The following AMOTL1 variants were observed in gnomAD, a reference collection of about 807,000 sequenced individuals.
AMOTL1 encodes angiomotin like 1, also known as angiomotin-like protein 1.
A neutral mutation model predicts 102.9 loss-of-function variants in AMOTL1; 45 were observed. The observed-to-expected ratio is 0.44, with a 90% CI of 0.34 to 0.56. The LOEUF is 0.56. AMOTL1 is among the 20% of genes least tolerant of loss of function. AMOTL1 has a pLI of 0.01. For missense variants in AMOTL1, 1,114 were observed against 1,225.6 expected (o/e 0.91, Z 1.36); for synonymous variants, 481 against 484.7 (o/e 0.99, Z 0.10).
intron 3 of AMOTL1, among the ~76,000 whole-genome samples, chr11:94,809,705 A>G (rs959637835): frequency 2.6e-5 from 4 of 152,364 alleles, no homozygotes; most frequent in Admixed American, 2.0e-4. Flanking sequence ...ATATTAAGCC[A>G]CTTTACCAAT....
At chr11:94,796,688 TTAATGAAA>T (rs1951372779) in intron 2 of AMOTL1, among the ~76,000 whole-genome samples, 1 of 152,200 alleles carries the variant, frequency 6.6e-6, no homozygotes, top group Non-Finnish European at 1.5e-5. Flanking sequence ...GTGAAATTTC[TTAATGAAA>T]ATTAGGGGGC....
intron 1 of AMOTL1, among the ~76,000 whole-genome samples, chr11:94,709,310 G>A (rs1056736897): frequency 6.6e-6 from 1 of 152,084 alleles, no homozygotes; most frequent in African/African-American, 2.4e-5. Flanking sequence ...CAGTTACTTT[G>A]GCAGAAGCCA....
rs143480463 is a variant in AMOTL1 at position 94,821,436 on chromosome 11, A to G, written c.1122-94A>G. 5.7e-3 allele frequency: 7,617 copies of G among 1,338,238 alleles called. 101 individuals carry two copies. The highest frequency in any genetic ancestry group is 0.038 in the South Asian group (2,665 of 70,478). The allele number at this position is 1,338,238 out of a possible 1,614,324, so 82.9% of individuals were successfully genotyped here. A position where few individuals can be genotyped will look rare whatever the true frequency, so the allele number is the denominator to read the frequency against. ...GGAAGTGCACTGATGGCCTCTGACC[A>G]TGGAAGCCATCAACAGTGCCAGTAT... On this transcript the variant is annotated intron_variant, in intron 3 of 12. Coordinates refer to ENST00000433060, the MANE Select transcript of AMOTL1 (RefSeq NM_130847.3).
At position 94,870,610 on chromosome 11, in the gene AMOTL1, T is replaced by C. The variant is rs79339543; in HGVS notation, c.2765-79T>C. On this transcript the variant is annotated intron_variant, in intron 12 of 12. Transcript: ENST00000433060. ...CCTGGGTGTGCAGTGGTATCGGACGTGGGTCCATTTTAGAGAACCTGGAAA... is the reference window on the plus strand; with the variant it reads ...CCTGGGTGTGCAGTGGTATCGGACGCGGGTCCATTTTAGAGAACCTGGAAA... 666 of 1,087,846 alleles carry C rather than the reference T, an allele frequency of 6.1e-4. 3 individuals are homozygous for C. In the African/African-American group the frequency reaches 9.6e-3, roughly 16 times the overall value. The allele number at this position is 1,087,846 out of a possible 1,614,324, so 67.4% of individuals were successfully genotyped here.
intron 4 of AMOTL1, among the ~76,000 whole-genome samples, chr11:94,823,561 A>G (rs994522518): frequency 1.3e-5 from 2 of 152,110 alleles, no homozygotes; most frequent in African/African-American, 4.8e-5. Context: ...TTCTCTCCTA[A>G]TGAAGCTTCA....
intron 1 of AMOTL1, among the ~76,000 whole-genome samples, chr11:94,788,363 A>T (rs569963802): frequency 1.2e-4 from 19 of 152,192 alleles, no homozygotes; most frequent in African/African-American, 4.6e-4. Context: ...GCTACGCTGA[A>T]CTCTCTATTC....
chr11:94,736,094 C>A (rs1384899697), intron 2 of AMOTL1, among the ~76,000 whole-genome samples: 2 of 152,154 alleles, frequency 1.3e-5, no homozygotes, highest in African/African-American at 4.8e-5. Context: ...ATACGTCCCA[C>A]CTCTAATAAA....
chr11:94,725,929 C>T (rs1024602265), intron 1 of AMOTL1, among the ~76,000 whole-genome samples: 1 of 152,050 alleles, frequency 6.6e-6, no homozygotes, highest in Non-Finnish European at 1.5e-5. Flanking sequence ...TACTACTACA[C>T]CTAAATTGTG....
intron 6 of AMOTL1, among the ~76,000 whole-genome samples, chr11:94,836,237 T>G (rs924038170): frequency 6.6e-6 from 1 of 152,330 alleles, no homozygotes; most frequent in Middle Eastern, 3.4e-3. Context: ...TCAGATGCTA[T>G]GGGTTTCTAT....
At chr11:94,731,171 T>A (rs1267278561) in intron 2 of AMOTL1, among the ~76,000 whole-genome samples, 1 of 152,206 alleles carries the variant, frequency 6.6e-6, no homozygotes, top group Non-Finnish European at 1.5e-5. Flanking sequence ...GTGACGAGCT[T>A]CTGGGGCTGA....
chr11:94,710,543 C>T (rs769281621), intron 1 of AMOTL1, among the ~76,000 whole-genome samples: 1 of 152,108 alleles, frequency 6.6e-6, no homozygotes, highest in Non-Finnish European at 1.5e-5. Flanking sequence ...ATCTGTGTTA[C>T]GTAAATGAAT....
chr11:94,707,250 C>CTGTGTG lies in AMOTL1; in HGVS notation c.-51+682_-51+687dup, dbSNP rs71459746. 0.015 allele frequency among the ~76,000 whole-genome samples: 1,050 copies of CTGTGTG among 71,712 alleles called. 67 individuals carry two copies. The East Asian group carries it at 0.19, about 13-fold the overall frequency. 47.0% of individuals were successfully genotyped at this position (71,712 alleles called of 152,430 possible). A position where few individuals can be genotyped will look rare whatever the true frequency, so the allele number is the denominator to read the frequency against. ...TCTCTCTCTCTCTCTCTCTCTCTCT[C>CTGTGTG]TGTGTGTGTGTGTGTGTGTGTGTGT... On this transcript the variant is annotated intron_variant, in intron 1 of 4. Transcript: ENST00000299004.
chr11:94,870,945 G>A lies in AMOTL1; in HGVS notation c.*150G>A, dbSNP rs548505386. On this transcript the variant is annotated 3_prime_UTR_variant, in exon 13 of 13. Transcript: ENST00000433060. ...ACTCATAAGAACACATTTTATAAAT[G>A]TTAAACACAAAAACTACATGACTGA... The A allele has an allele frequency of 2.4e-5, 14 of 578,348 alleles. No homozygotes were observed. Among genetic ancestry groups the A allele is most frequent in the African/African-American group, 2.2e-4 (12 of 54,264 alleles). The allele number at this position is 578,348 out of a possible 1,614,324, so 35.8% of individuals were successfully genotyped here.
At chr11:94,753,305 G>GT (rs1565339509) in intron 3 of AMOTL1, among the ~76,000 whole-genome samples, 1 of 137,466 alleles carries the variant, frequency 7.3e-6, no homozygotes, top group African/African-American at 2.7e-5. Flanking sequence ...CTGCTTTCCT[G>GT]CTTTTTTTTT....
intron 4 of AMOTL1, among the ~76,000 whole-genome samples, chr11:94,828,073 G>A (rs182491563): frequency 3.3e-5 from 5 of 152,214 alleles, no homozygotes; most frequent in East Asian, 3.9e-4. Context: ...GGAAATCTTC[G>A]CCAATATGTG....
chr11:94,763,634 T>C (rs1427038724), upstream of AMOTL1, among the ~76,000 whole-genome samples: 1 of 152,236 alleles, frequency 6.6e-6, no homozygotes, highest in East Asian at 1.9e-4. Context: ...TTTCATATGT[T>C]ATATGTATTA....
intron 1 of AMOTL1, among the ~76,000 whole-genome samples, chr11:94,769,774 T>C (rs992195878): frequency 3.9e-5 from 6 of 152,096 alleles, no homozygotes; most frequent in Admixed American, 3.9e-4. Context: ...CTCAGCTCCC[T>C]TTCTCTGTGA....
intron 9 of AMOTL1, among the ~76,000 whole-genome samples, chr11:94,860,789 A>T (rs1952758798): frequency 6.6e-6 from 1 of 152,240 alleles, no homozygotes; most frequent in South Asian, 2.1e-4. Flanking sequence ...TATTTGGATG[A>T]CAGGACATGA....
chr11:94,764,969 G>T (rs145470252), upstream of AMOTL1, among the ~76,000 whole-genome samples: 4 of 152,254 alleles, frequency 2.6e-5, no homozygotes, highest in East Asian at 7.7e-4. Flanking sequence ...CTAGAAGCAG[G>T]TCTTACTGTA....
Sources: gnomAD v4.1 joint callset for allele counts (sites outside exome capture counted in the v4.1 genomes callset) on GRCh38, gnomAD v4.1.1 for gene constraint, MANE v1.5 for transcripts, NCBI Gene and HGNC (gene_info 2026-07-23, HGNC 2026-07-21) for gene names.